NR3C2: variants seen among roughly 807,000 people sequenced by gnomAD.
The protein encoded by NR3C2 is mineralocorticoid receptor.
In NR3C2, 15 loss-of-function variants were observed where a neutral mutation model predicts 86.4. The ratio of observed to expected loss-of-function variants is 0.17; its 90% CI spans 0.12 to 0.27. NR3C2 has a LOEUF of 0.27. NR3C2 is among the 10% of genes least tolerant of loss of function. The pLI, the probability that NR3C2 is intolerant of heterozygous loss-of-function variation, is 1.00. For synonymous variants in NR3C2, 458 were observed against 450.5 expected (o/e 1.02, Z -0.21); for missense variants, 960 against 1,195.6 (o/e 0.80, Z 2.91).
intron 2 of NR3C2, among the ~76,000 whole-genome samples, chr4:148,410,554 C>T (rs933179688): frequency 2.0e-5 from 3 of 152,128 alleles, no homozygotes; most frequent in Non-Finnish European, 4.4e-5. Context: ...ACTGCAGAAG[C>T]TTAAATCAAA....
At chr4:148,312,840 CT>C (rs926119220) in intron 2 of NR3C2, among the ~76,000 whole-genome samples, 77 of 151,770 alleles carry the variant, frequency 5.1e-4, no homozygotes, top group Non-Finnish European at 8.8e-4. Flanking sequence ...TATAAAAAGG[CT>C]TTTTTTTATG....
chr4:148,363,388 A>T (rs1338197595), intron 2 of NR3C2, among the ~76,000 whole-genome samples: 1 of 151,836 alleles, frequency 6.6e-6, no homozygotes, highest in African/African-American at 2.4e-5. Flanking sequence ...TCATTTATTC[A>T]CTTCACAGAC....
intron 3 of NR3C2, among the ~76,000 whole-genome samples, chr4:148,250,613 T>C (rs1739528725): frequency 6.6e-6 from 1 of 152,222 alleles, no homozygotes; most frequent in African/African-American, 2.4e-5. Flanking sequence ...TAGCTAACTA[T>C]GTAGTTTCTT....
At chr4:148,235,282 A>ATATATATATATATT in intron 3 of NR3C2, among the ~76,000 whole-genome samples, 1 of 149,386 alleles carries the variant, frequency 6.7e-6, no homozygotes, top group Non-Finnish European at 1.5e-5. Flanking sequence ...ATATATATAT[A>ATATATATATATATT]TTTAAGATTC....
At position 148,298,394 on chromosome 4, in the gene NR3C2, G is replaced by C. The variant is rs541981289; in HGVS notation, c.1758-38277C>G. 3.3e-5 allele frequency among the ~76,000 whole-genome samples: 5 copies of C among 152,306 alleles called. No homozygotes were observed. In the South Asian group the frequency reaches 1.0e-3, roughly 32 times the overall value. The stretch of plus-strand genomic sequence containing the variant: ...ATGGCTGCCGGAAGAAGGCAGGGGA[G>C]GGGAACAACTGGGGTGATGGAAATG... On this transcript the variant is annotated intron_variant, in intron 2 of 8. Transcript: ENST00000358102.
At chr4:148,265,679 C>T (rs1022727734) in intron 2 of NR3C2, among the ~76,000 whole-genome samples, 2 of 152,204 alleles carry the variant, frequency 1.3e-5, no homozygotes, top group Non-Finnish European at 2.9e-5. Flanking sequence ...TCACCGGCTA[C>T]AGTGTTTTCT....
chr4:148,359,643 C>G (rs1745741735), intron 2 of NR3C2, among the ~76,000 whole-genome samples: 1 of 152,144 alleles, frequency 6.6e-6, no homozygotes, highest in South Asian at 2.1e-4. Context: ...TATGGTGGTA[C>G]AGGTGGAAAT....
At chr4:148,317,517 C>G (rs1743260085) in intron 2 of NR3C2, among the ~76,000 whole-genome samples, 1 of 151,846 alleles carries the variant, frequency 6.6e-6, no homozygotes, top group South Asian at 2.1e-4. Context: ...TTTTGAACAA[C>G]TTATAAAAAG....
At chr4:148,164,307 T>C (rs984602452) in intron 4 of NR3C2, among the ~76,000 whole-genome samples, 5 of 152,140 alleles carry the variant, frequency 3.3e-5, no homozygotes, top group African/African-American at 7.2e-5. Flanking sequence ...TATAAAAAAA[T>C]AGAACTTACT....
intron 6 of NR3C2, among the ~76,000 whole-genome samples, chr4:148,140,209 A>G (rs1213939725): frequency 6.6e-6 from 1 of 152,212 alleles, no homozygotes. Context: ...TTTTCAATAA[A>G]GAAATCTACT....
chr4:148,338,454 C>T (rs1406372240), intron 2 of NR3C2, among the ~76,000 whole-genome samples: 2 of 152,148 alleles, frequency 1.3e-5, no homozygotes, highest in African/African-American at 4.8e-5. Context: ...ATGATGAAAT[C>T]TTACTATGCA....
intron 2 of NR3C2, among the ~76,000 whole-genome samples, chr4:148,389,717 T>C (rs2126484917): frequency 6.6e-6 from 1 of 152,250 alleles, no homozygotes; most frequent in Admixed American, 6.5e-5. Flanking sequence ...ATCTTATATC[T>C]TCTATACATT....
chr4:148,143,807 T>C (rs1027504386), intron 6 of NR3C2, among the ~76,000 whole-genome samples: 22 of 151,364 alleles, frequency 1.5e-4, no homozygotes, highest in African/African-American at 4.4e-4. Flanking sequence ...ATTAACCAGG[T>C]GTGGTGGCAC....
At chr4:148,366,879 C>T (rs186400573) in intron 2 of NR3C2, among the ~76,000 whole-genome samples, 1 of 152,164 alleles carries the variant, frequency 6.6e-6, no homozygotes, top group Admixed American at 6.5e-5. Context: ...AAGAGAATAG[C>T]TAGATGTATA....
At chr4:148,323,500 A>C in intron 2 of NR3C2, among the ~76,000 whole-genome samples, 1 of 148,342 alleles carries the variant, frequency 6.7e-6, no homozygotes, top group South Asian at 2.3e-4. Context: ...TTGCAGTTTG[A>C]TCTCAGACTG....
intron 6 of NR3C2, among the ~76,000 whole-genome samples, chr4:148,122,207 G>T (rs1732538941): frequency 6.6e-6 from 1 of 152,036 alleles, no homozygotes; most frequent in African/African-American, 2.4e-5. Context: ...CTTCTTTGGT[G>T]ATTTGACTAT....
intron 2 of NR3C2, among the ~76,000 whole-genome samples, chr4:148,388,190 CAAT>C (rs1436886698): frequency 2.0e-5 from 3 of 152,052 alleles, no homozygotes; most frequent in Non-Finnish European, 4.4e-5. Context: ...TTAGACAAGT[CAAT>C]AAAAATCCAG....
chr4:148,156,134 C>T (rs1185241432), intron 4 of NR3C2, among the ~76,000 whole-genome samples: 5 of 152,042 alleles, frequency 3.3e-5, no homozygotes, highest in Admixed American at 6.6e-5. Context: ...AAGACTTAAA[C>T]GTTAGACCTA....
chr4:148,417,162 T>A (rs1749053952), intron 2 of NR3C2, among the ~76,000 whole-genome samples: 1 of 152,214 alleles, frequency 6.6e-6, no homozygotes, highest in African/African-American at 2.4e-5. Flanking sequence ...GTCTTCTTAT[T>A]GATAAGTATT....
Sources: gnomAD v4.1 joint callset for allele counts (sites outside exome capture counted in the v4.1 genomes callset) on GRCh38, gnomAD v4.1.1 for gene constraint, MANE v1.5 for transcripts, NCBI Gene and HGNC (gene_info 2026-07-23, HGNC 2026-07-21) for gene names.